Variants in C2orf80 observed in about 807,000 individuals in gnomAD.
The protein encoded by C2orf80 is chromosome 2 open reading frame 80.
In C2orf80, 28 loss-of-function variants were observed where a neutral mutation model predicts 30.2. That is an observed-to-expected ratio of 0.93 (90% confidence interval 0.69 to 1.27). The LOEUF is 1.27. C2orf80 is among the 50% of genes most tolerant of loss of function. C2orf80 has a pLI of 0.00. For synonymous variants in C2orf80, 80 were observed against 76.4 expected (o/e 1.05, Z -0.24); for missense variants, 220 against 231.0 (o/e 0.95, Z 0.31).
intron 3 of C2orf80, 67 bp from the exon 4 acceptor site, chr2:208,183,114 C>T (rs1696612626): frequency 8.1e-7 from 1 of 1,240,204 alleles, no homozygotes; most frequent in Non-Finnish European, 1.2e-6. Flanking sequence ...TCCCTGGACC[C>T]AATGACAATG....
chr2:208,172,177 G>C, intron 6 of C2orf80, 102 bp from the exon 7 acceptor site: 1 of 905,220 alleles, frequency 1.1e-6, no homozygotes, highest in Non-Finnish European at 1.9e-6. Context: ...CAGAATCCTT[G>C]AGTCCAATTG....
At chr2:208,184,836 T>G (rs763589128) in intron 3 of C2orf80, 115 bp downstream of exon 3, 3 of 724,848 alleles carry the variant, frequency 4.1e-6, no homozygotes, top group East Asian at 5.6e-5. Flanking sequence ...GAAGAGGACA[T>G]TTGGGGGATG....
chr2:208,184,264 A>G (rs953004991), intron 3 of C2orf80, among the ~76,000 whole-genome samples: 2 of 152,130 alleles, frequency 1.3e-5, no homozygotes, highest in Admixed American at 1.3e-4. Context: ...GCACTGCTCT[A>G]ATCTACTTAA....
intron 6 of C2orf80, among the ~76,000 whole-genome samples, chr2:208,178,903 G>A (rs538983376): frequency 4.6e-5 from 7 of 152,078 alleles, no homozygotes; most frequent in East Asian, 3.9e-4. Context: ...GATTACAGGC[G>A]ACCGCCACCA....
intron 6 of C2orf80, among the ~76,000 whole-genome samples, chr2:208,176,930 T>C (rs116352446): frequency 1.3e-3 from 71 of 56,766 alleles, no homozygotes; most frequent in African/African-American, 2.0e-3. Flanking sequence ...TGTATACATA[T>C]GTATACATAT....
intron 8 of C2orf80, among the ~76,000 whole-genome samples, chr2:208,167,711 G>C (rs1574352669): frequency 6.6e-6 from 1 of 151,700 alleles, no homozygotes; most frequent in African/African-American, 2.4e-5. Context: ...CTAGTAGCTG[G>C]GATTATAGGC....
chr2:208,171,902 A>T, intron 7 of C2orf80, 86 bp downstream of exon 7: 1 of 1,117,014 alleles, frequency 9.0e-7, no homozygotes, highest in Non-Finnish European at 1.4e-6. Flanking sequence ...TTCCCATTAC[A>T]ATTTTGACCT....
chr2:208,180,916 C>G, intron 5 of C2orf80, 100 bp from the exon 6 acceptor site: 2 of 1,023,480 alleles, frequency 2.0e-6, no homozygotes, highest in Non-Finnish European at 2.9e-6. Context: ...TAAAACTGTG[C>G]TTGGGTATCA....
At chr2:208,173,387 G>A (rs1574360181) in intron 6 of C2orf80, among the ~76,000 whole-genome samples, 1 of 152,256 alleles carries the variant, frequency 6.6e-6, no homozygotes, top group South Asian at 2.1e-4. Flanking sequence ...CACTTTGGGA[G>A]GCCAAGGCGG....
At chr2:208,172,452 C>G (rs7604079) in intron 6 of C2orf80, among the ~76,000 whole-genome samples, 78,061 of 151,970 alleles carry the variant, frequency 0.51, 23,113 homozygotes, top group Non-Finnish European at 0.69. Flanking sequence ...CCCACACCCA[C>G]TCTCCCTTGC....
At position 208,165,586 on chromosome 2, in the gene C2orf80, T is replaced by C. The variant is rs943216078; in HGVS notation, c.*221A>G. 6 of 499,560 alleles carry C rather than the reference T, an allele frequency of 1.2e-5. No homozygotes were observed. The highest frequency in any genetic ancestry group is 1.2e-4 in the Admixed American group (3 of 25,438). The allele number at this position is 499,560 out of a possible 1,614,324, so 30.9% of individuals were successfully genotyped here. A position where few individuals can be genotyped will look rare whatever the true frequency, so the allele number is the denominator to read the frequency against. ...TTCTCCAGCAGTCTTCCAGTCACAATGAAGTAGCATAAGGTCACAGTTTTT... is the reference window on the plus strand; with the variant it reads ...TTCTCCAGCAGTCTTCCAGTCACAACGAAGTAGCATAAGGTCACAGTTTTT... On this transcript the variant is annotated 3_prime_UTR_variant, in exon 9 of 9. Coordinates refer to ENST00000341287, the MANE Select transcript of C2orf80 (RefSeq NM_001099334.3).
intron 6 of C2orf80, among the ~76,000 whole-genome samples, chr2:208,173,136 A>C (rs961620132): frequency 2.6e-5 from 4 of 151,546 alleles, no homozygotes; most frequent in Non-Finnish European, 4.4e-5. Context: ...AAAAAAAAAA[A>C]AAAAAAAACT....
Position 208,187,768 on chromosome 2 carries a change from T to C in C2orf80, c.-75-707A>G, listed in dbSNP as rs376715481. Reference sequence around the variant, plus strand: ...TATGATCAAATAGTTGTTCAAACTTTATCCCGGATGTTTCTGGTGTTTTTT... The same window carrying C: ...TATGATCAAATAGTTGTTCAAACTTCATCCCGGATGTTTCTGGTGTTTTTT... On this transcript the variant is annotated intron_variant, in intron 1 of 8. Transcript: ENST00000341287. 1.7e-3 allele frequency among the ~76,000 whole-genome samples: 261 copies of C among 152,258 alleles called. 1 individual carries two copies. The highest frequency in any genetic ancestry group is 0.017 in the South Asian group (81 of 4,820).
At chr2:208,173,773 G>A (rs971748122) in intron 6 of C2orf80, among the ~76,000 whole-genome samples, 4 of 152,136 alleles carry the variant, frequency 2.6e-5, no homozygotes, top group Admixed American at 6.5e-5. Flanking sequence ...AACCTAGGGC[G>A]AAAGGAAGGG....
chr2:208,166,977 A>C (rs1695916411), intron 8 of C2orf80, among the ~76,000 whole-genome samples: 1 of 152,060 alleles, frequency 6.6e-6, no homozygotes, highest in South Asian at 2.1e-4. Flanking sequence ...AAGCCTTTAC[A>C]CATATAACTT....
intron 2 of C2orf80, among the ~76,000 whole-genome samples, 159 bp from the exon 3 acceptor site, chr2:208,185,191 A>T (rs184324235): frequency 1.3e-5 from 2 of 152,148 alleles, no homozygotes; most frequent in East Asian, 3.9e-4. Context: ...GGTTTACACG[A>T]CAATTCTACA....
intron 7 of C2orf80, 107 bp downstream of exon 7, chr2:208,171,881 T>C (rs10932244): frequency 0.9 from 852,383 of 948,440 alleles, 383,995 homozygotes; most frequent in Non-Finnish European, 0.92. Flanking sequence ...CAACCAGACA[T>C]AGAAATCTAA....
At position 208,184,937 on chromosome 2, in the gene C2orf80, G is replaced by C. The variant is rs200082747; in HGVS notation, c.123+14C>G. 5.0e-6 allele frequency: 8 copies of C among 1,600,646 alleles called. No individual in the cohort carries two copies. Among genetic ancestry groups the C allele is most frequent in the Non-Finnish European group, 6.8e-6 (8 of 1,168,550 alleles). ...TAACACAAATATGACTCGCATCAGC[G>C]TGCCTTTCTTTACCATATCATCTAG... On this transcript the variant is annotated intron_variant, in intron 3 of 8. Coordinates refer to ENST00000341287, the MANE Select transcript of C2orf80 (RefSeq NM_001099334.3).
intron 6 of C2orf80, among the ~76,000 whole-genome samples, chr2:208,173,716 A>G (rs915536827): frequency 1.4e-4 from 21 of 152,222 alleles, no homozygotes. Flanking sequence ...TGGTAAAACT[A>G]TAAAGAAGTA....
Sources: gnomAD v4.1 joint callset for allele counts (sites outside exome capture counted in the v4.1 genomes callset) on GRCh38, gnomAD v4.1.1 for gene constraint, MANE v1.5 for transcripts, NCBI Gene and HGNC (gene_info 2026-07-23, HGNC 2026-07-21) for gene names.